MYH16: variants seen among roughly 807,000 people sequenced by gnomAD.
MYH16 encodes the protein myosin heavy chain 16.
chr7:99,257,380 G>T, exon 10 of MYH16: 1 of 179,706 alleles, frequency 5.6e-6, no homozygotes, highest in East Asian at 1.5e-4. Context: ...CATGCACTTT[G>T]GGAACATGAA....
At chr7:99,252,565 C>T (rs1361949298) in intron 6 of MYH16, 2 of 152,234 alleles carry the variant, frequency 1.3e-5, no homozygotes, top group African/African-American at 4.8e-5. Context: ...ATGCAGAATT[C>T]CAAAGGGTAG....
chr7:99,273,273 C>T (rs1032977814), intron 19 of MYH16, 69 bp from the exon 2 acceptor site: 14 of 453,766 alleles, frequency 3.1e-5, no homozygotes, highest in South Asian at 1.7e-4. Context: ...CAGGCCCCAC[C>T]CCTTCCCCAG....
At chr7:99,252,494 T>TG (rs1791822382) in intron 6 of MYH16, 1 of 152,208 alleles carries the variant, frequency 6.6e-6, no homozygotes, top group Non-Finnish European at 1.5e-5. Flanking sequence ...AGGAATGACA[T>TG]GGAAGGCTCC....
Position 99,285,283 on chromosome 7 carries a change from C to T in MYH16, n.3317-99C>T, listed in dbSNP as rs1247728667. The stretch of plus-strand genomic sequence containing the variant: ...TCTCTCTGCTTTTGACAGTGGCTGT[C>T]ATATTCTCACATCCCTATTTTCCGT... On this transcript the variant is annotated intron_variant and non_coding_transcript_variant, in intron 26 of 41. Transcript: ENST00000439784. 2.4e-4 allele frequency: 104 copies of T among 438,322 alleles called. 3 individuals are homozygous for T. The highest frequency in any genetic ancestry group is 1.7e-3 in the South Asian group (103 of 61,702). 27.2% of individuals were successfully genotyped at this position (438,322 alleles called of 1,614,324 possible). A position where few individuals can be genotyped will look rare whatever the true frequency, so the allele number is the denominator to read the frequency against.
At chr7:99,293,111 G>A (rs1004600810) in intron 32 of MYH16, among the ~76,000 whole-genome samples, 1 of 152,142 alleles carries the variant, frequency 6.6e-6, no homozygotes, top group South Asian at 2.1e-4. Flanking sequence ...GAGCCACCCT[G>A]GGCCAGGCAG....
exon 41 of MYH16, chr7:99,305,880 C>T (rs770620634): frequency 6.5e-6 from 1 of 152,864 alleles, no homozygotes; most frequent in Non-Finnish European, 1.5e-5. Flanking sequence ...AGAAACAGCA[C>T]GTGGAGACAG....
chr7:99,285,463 T>C, intron 27 of MYH16, 25 bp downstream of exon 9: 1 of 456,694 alleles, frequency 2.2e-6, no homozygotes, highest in Non-Finnish European at 4.4e-6. Context: ...TTTCCCCTTC[T>C]TGAGTCAAAA....
At chr7:99,268,917 G>T (rs1489704649) in intron 18 of MYH16, among the ~76,000 whole-genome samples, 1 of 152,114 alleles carries the variant, frequency 6.6e-6, no homozygotes, top group East Asian at 1.9e-4. Flanking sequence ...TGGCATTTTG[G>T]GTTCCCGCAG....
chr7:99,249,492 T>TCACAC (rs1283004380), intron 4 of MYH16, among the ~76,000 whole-genome samples: 3 of 126,794 alleles, frequency 2.4e-5, no homozygotes, highest in Admixed American at 8.9e-5. Flanking sequence ...TGAGCTATGA[T>TCACAC]CACACCACTG....
intron 20 of MYH16, among the ~76,000 whole-genome samples, chr7:99,276,283 A>G (rs1243325815): frequency 6.6e-6 from 1 of 152,218 alleles, no homozygotes; most frequent in Non-Finnish European, 1.5e-5. Context: ...TTATCTTTCA[A>G]AAGAGGCGCA....
At chr7:99,310,124 C>T (rs143346540), downstream of MYH16, among the ~76,000 whole-genome samples, 135 of 151,888 alleles carry the variant, frequency 8.9e-4, 1 homozygote, top group Non-Finnish European at 1.2e-3. Flanking sequence ...GATCCTTCAC[C>T]AGGCAGAGGA....
At chr7:99,272,779 C>G (rs1216749769) in intron 19 of MYH16, among the ~76,000 whole-genome samples, 60 bp from the exon 1 acceptor site, 1 of 151,852 alleles carries the variant, frequency 6.6e-6, no homozygotes, top group Non-Finnish European at 1.5e-5. Flanking sequence ...TCCCAGATGA[C>G]CTGTGATTCA....
rs138956670 is a variant in MYH16, at chr7:99,278,830, A to T, written n.2660-680A>T. Among the ~76,000 whole-genome samples, 64 of 152,296 alleles carry T rather than the reference A, an allele frequency of 4.2e-4. 2 individuals are homozygous for T. In the Middle Eastern group the frequency reaches 0.031, roughly 73 times the overall value. The stretch of plus-strand genomic sequence containing the variant: ...TCTGTATCCTCTTCATACCCCTGAG[A>T]AGTTGCTTGAACTGATATCCCCATT... On this transcript the variant is annotated intron_variant and non_coding_transcript_variant, in intron 21 of 41. Coordinates refer to ENST00000439784, the Ensembl canonical transcript of MYH16.
intron 14 of MYH16, chr7:99,263,569 G>A (rs1412103313): frequency 6.6e-6 from 1 of 152,368 alleles, no homozygotes; most frequent in Admixed American, 6.5e-5. Flanking sequence ...TGGAATAAGT[G>A]AGTGAGTAAG....
At chr7:99,248,962 CT>C (rs1315738079) in intron 3 of MYH16, 1 of 152,630 alleles carries the variant, frequency 6.6e-6, no homozygotes, top group African/African-American at 2.4e-5. Flanking sequence ...CTAATTACAC[CT>C]TCCTGTTTCT....
At chr7:99,281,518 C>A (rs112025370) in intron 23 of MYH16, among the ~76,000 whole-genome samples, 1 of 152,124 alleles carries the variant, frequency 6.6e-6, no homozygotes, top group Non-Finnish European at 1.5e-5. Flanking sequence ...GCCAAGATTG[C>A]GCCATTGCAC....
In MYH16 at chr7:99,294,554, A is replaced by AAT. The variant is rs1554339324; in HGVS notation, n.4282+417_4282+418dup. On this transcript the variant is annotated intron_variant and non_coding_transcript_variant, in intron 33 of 41. Transcript: ENST00000439784. ...AAGAAAAAGAAAAAAAGAAAAAAAA[A>AAT]ATATATATATATATTTTTTTTCTTT... Among the ~76,000 whole-genome samples, 321 of 132,898 alleles carry AAT rather than the reference A, an allele frequency of 2.4e-3. 2 individuals carry two copies. Among genetic ancestry groups the AAT allele is most frequent in the African/African-American group, 7.1e-3 (235 of 33,222 alleles). The allele number at this position is 132,898 out of a possible 152,430, so 87.2% of individuals were successfully genotyped here.
chr7:99,303,978 G>A (rs747188068), intron 39 of MYH16, among the ~76,000 whole-genome samples: 1 of 152,092 alleles, frequency 6.6e-6, no homozygotes, highest in Non-Finnish European at 1.5e-5. Flanking sequence ...GTATCCCTTC[G>A]GGTGTTCACA....
intron 20 of MYH16, among the ~76,000 whole-genome samples, chr7:99,276,379 G>T (rs992604525): frequency 6.6e-6 from 1 of 152,226 alleles, no homozygotes; most frequent in Non-Finnish European, 1.5e-5. Flanking sequence ...TGTATCTATG[G>T]TATAATGTTT....
Sources: allele counts gnomAD v4.1 joint callset (sites outside exome capture counted in the v4.1 genomes callset), GRCh38; gene constraint gnomAD v4.1.1; transcripts MANE v1.5; gene names NCBI Gene and HGNC (gene_info 2026-07-23, HGNC 2026-07-21).